Variants in LRP1B observed in about 807,000 individuals in gnomAD.
LRP1B encodes LDL receptor related protein 1B, also known as low-density lipoprotein receptor-related protein 1B.
In LRP1B, 217 loss-of-function variants were observed where a neutral mutation model predicts 556.6. The ratio of observed to expected loss-of-function variants is 0.39; its 90% CI spans 0.35 to 0.44. The LOEUF is 0.44. Among genes scored for constraint, LRP1B ranks in the 20% least tolerant of loss-of-function variants. The pLI, the probability that LRP1B is intolerant of heterozygous loss-of-function variation, is 1.00. For missense variants in LRP1B, 5,053 were observed against 5,620.8 expected (o/e 0.90, Z 3.23); for synonymous variants, 2,047 against 1,865.8 (o/e 1.10, Z -2.50).
chr2:142,078,100 C>T (rs965441693), intron 1 of LRP1B, among the ~76,000 whole-genome samples: 9 of 152,056 alleles, frequency 5.9e-5, no homozygotes, highest in Non-Finnish European at 1.2e-4. Context: ...ACTTTGTTCC[C>T]TATCGCTTGC....
chr2:140,938,107 T>C (rs931941375), intron 20 of LRP1B, among the ~76,000 whole-genome samples: 2 of 152,040 alleles, frequency 1.3e-5, no homozygotes, highest in Non-Finnish European at 2.9e-5. Context: ...GTTACCATTA[T>C]ATACTTATAA....
At chr2:141,135,936 T>G (rs1417526962) in intron 7 of LRP1B, among the ~76,000 whole-genome samples, 3 of 151,222 alleles carry the variant, frequency 2.0e-5, no homozygotes, top group Admixed American at 6.6e-5. Flanking sequence ...ATACTACTTC[T>G]CACATACAAA....
At chr2:142,126,617 T>C (rs1351477367) in intron 1 of LRP1B, among the ~76,000 whole-genome samples, 3 of 151,938 alleles carry the variant, frequency 2.0e-5, no homozygotes, top group Non-Finnish European at 2.9e-5. Flanking sequence ...AGAATTGTTT[T>C]GACAGACAGC....
At chr2:141,253,930 A>C (rs879309708) in intron 4 of LRP1B, among the ~76,000 whole-genome samples, 1 of 152,080 alleles carries the variant, frequency 6.6e-6, no homozygotes, top group African/African-American at 2.4e-5. Context: ...TATACATATT[A>C]ATATATGTAT....
At chr2:141,997,166 G>GAC (rs1702515567) in intron 1 of LRP1B, among the ~76,000 whole-genome samples, 1 of 146,644 alleles carries the variant, frequency 6.8e-6, no homozygotes, top group Non-Finnish European at 1.5e-5. Flanking sequence ...GCAGACACCT[G>GAC]ACACTAGTTC....
At position 141,053,905 on chromosome 2, in the gene LRP1B, C is replaced by G. The variant is rs148082495; in HGVS notation, c.1552+1211G>C. 3.6e-4 allele frequency among the ~76,000 whole-genome samples: 55 copies of G among 151,852 alleles called. No homozygotes were observed. The East Asian group carries it at 9.9e-3, about 27-fold the overall frequency. ...TTTTAAATCACACACTACATAGACA[C>G]ACATGTACCCACACACAAAACTTCT... On this transcript the variant is annotated intron_variant, in intron 10 of 90. Transcript: ENST00000389484.
At chr2:140,294,258 C>T (rs1362508965) in intron 84 of LRP1B, among the ~76,000 whole-genome samples, 1 of 152,150 alleles carries the variant, frequency 6.6e-6, no homozygotes, top group Non-Finnish European at 1.5e-5. Flanking sequence ...CTAGTTGAAC[C>T]ACATACAGTT....
At chr2:140,453,961 T>G (rs1017940543) in intron 62 of LRP1B, among the ~76,000 whole-genome samples, 1 of 152,172 alleles carries the variant, frequency 6.6e-6, no homozygotes, top group Non-Finnish European at 1.5e-5. Flanking sequence ...TTTAAAGGTC[T>G]ACCTCACTGA....
chr2:142,061,263 A>T (rs1251262999), intron 1 of LRP1B, among the ~76,000 whole-genome samples: 3 of 151,998 alleles, frequency 2.0e-5, no homozygotes, highest in Admixed American at 1.3e-4. Context: ...CCTTGTGAAG[A>T]CAATATTTAG....
chr2:142,024,195 A>G (rs188555453), intron 1 of LRP1B, among the ~76,000 whole-genome samples: 14 of 152,352 alleles, frequency 9.2e-5, no homozygotes, highest in Admixed American at 2.0e-4. Flanking sequence ...AATTAATTAT[A>G]AAATCAGATT....
intron 6 of LRP1B, among the ~76,000 whole-genome samples, chr2:141,226,889 T>G (rs1421261924): frequency 6.6e-6 from 1 of 152,206 alleles, no homozygotes; most frequent in Non-Finnish European, 1.5e-5. Context: ...TCCACATATT[T>G]AATCACTTTT....
At chr2:140,350,673 G>A in intron 77 of LRP1B, 124 bp downstream of exon 77, 1 of 795,768 alleles carries the variant, frequency 1.3e-6, no homozygotes, top group South Asian at 2.2e-5. Flanking sequence ...TATTTAAGGA[G>A]AATATTGGGA....
intron 41 of LRP1B, among the ~76,000 whole-genome samples, chr2:140,645,789 C>T (rs1684463036): frequency 6.6e-6 from 1 of 151,848 alleles, no homozygotes; most frequent in African/African-American, 2.4e-5. Context: ...CCGCCCGCCT[C>T]GGCCTCCCAA....
intron 1 of LRP1B, among the ~76,000 whole-genome samples, chr2:141,895,485 A>C (rs1699425160): frequency 6.6e-6 from 1 of 152,198 alleles, no homozygotes; most frequent in Non-Finnish European, 1.5e-5. Flanking sequence ...CTTATTTAAT[A>C]TTTGGAGAAA....
chr2:140,298,110 A>G, intron 83 of LRP1B, 141 bp from the exon 84 acceptor site: 1 of 623,396 alleles, frequency 1.6e-6, no homozygotes. Flanking sequence ...TTTAGGCAGT[A>G]ACAAGACTTC....
intron 2 of LRP1B, among the ~76,000 whole-genome samples, chr2:141,663,688 A>T (rs1690310065): frequency 6.6e-6 from 1 of 152,180 alleles, no homozygotes. Flanking sequence ...AAATTGAGGC[A>T]GTAAGAAATA....
chr2:141,832,079 C>T (rs535534387), intron 1 of LRP1B, among the ~76,000 whole-genome samples: 4 of 151,618 alleles, frequency 2.6e-5, no homozygotes, highest in Non-Finnish European at 4.4e-5. Context: ...ATATGTCTTT[C>T]TAGTCTTGAC....
intron 1 of LRP1B, among the ~76,000 whole-genome samples, chr2:141,870,331 A>G (rs1269405196): frequency 6.6e-6 from 1 of 151,886 alleles, no homozygotes; most frequent in Non-Finnish European, 1.5e-5. Flanking sequence ...ACCAGCCTCA[A>G]TTCTAGAGCT....
At chr2:140,948,069 T>A (rs946488483) in intron 20 of LRP1B, among the ~76,000 whole-genome samples, 1 of 152,130 alleles carries the variant, frequency 6.6e-6, no homozygotes, top group Non-Finnish European at 1.5e-5. Flanking sequence ...TGGACACTCA[T>A]GAGGGAAAAG....
Sources: allele counts gnomAD v4.1 joint callset (sites outside exome capture counted in the v4.1 genomes callset), GRCh38; gene constraint gnomAD v4.1.1; transcripts MANE v1.5; gene names NCBI Gene and HGNC (gene_info 2026-07-23, HGNC 2026-07-21).